The following CLCNKB variants were observed in gnomAD, a reference collection of about 807,000 sequenced individuals.
CLCNKB encodes chloride channel protein ClC-Kb.
CLCNKB carries 74 observed loss-of-function variants against 83.8 expected under a neutral mutation model. That is an observed-to-expected ratio of 0.88 (90% CI 0.73 to 1.07). The LOEUF is 1.07. CLCNKB is among the 50% of genes least tolerant of loss of function. CLCNKB has a pLI of 0.00. For synonymous variants in CLCNKB, 358 were observed against 356.6 expected, an observed-to-expected ratio of 1.00 and a Z score of -0.04; for missense variants, 798 against 893.6, an observed-to-expected ratio of 0.89 and a Z score of 1.36.
chr1:16,053,470 C>T (rs535683040), intron 15 of CLCNKB, among the ~76,000 whole-genome samples, 169 bp from the exon 16 acceptor site: 399 of 152,262 alleles, frequency 2.6e-3, no homozygotes, highest in Non-Finnish European at 4.2e-3. Flanking sequence ...CCCCAGGTTT[C>T]CTCTCACCGT....
Position 16,043,984 on chromosome 1 carries a change from T to A in CLCNKB, c.-8+104T>A, listed in dbSNP as rs945393. 175 of 146,540 alleles carry A rather than the reference T, an allele frequency of 1.2e-3. 3 individuals are homozygous for A. Among genetic ancestry groups the A allele is most frequent in the Middle Eastern group, 3.4e-3 (1 of 292 alleles). 9.1% of individuals were successfully genotyped at this position (146,540 alleles called of 1,614,324 possible). Reference sequence around the variant, plus strand: ...AGCCAGCACCTCACTTTGGCCCTGGTGGGATCTTCTTCTGGGCCTGGGGTT... The same window carrying A: ...AGCCAGCACCTCACTTTGGCCCTGGAGGGATCTTCTTCTGGGCCTGGGGTT... On this transcript the variant is annotated intron_variant, in intron 1 of 19. Transcript: ENST00000375679.
chr1:16,048,677 G>A (rs1473934437), intron 7 of CLCNKB, 95 bp downstream of exon 7: 93 of 1,574,620 alleles, frequency 5.9e-5, no homozygotes, highest in Admixed American at 2.9e-4. Context: ...GGAGGAGGGG[G>A]TGGGGCTCAT....
chr1:16,055,741 G>C lies in CLCNKB; in HGVS notation c.1912G>C (p.Glu638Gln). The C allele has an allele frequency of 6.2e-7, 1 of 1,613,892 alleles. No individual in the cohort carries two copies. The highest frequency in any genetic ancestry group is 8.5e-7 in the Non-Finnish European group (1 of 1,180,000). Residue 638 changes from glutamate (E) to glutamine (Q), a missense_variant, in exon 18 of 20, where the codon GAG becomes CAG. Physicochemically the swap from Glu to Gln is conservative, Grantham distance 29. Coordinates refer to ENST00000375679, the MANE Select transcript of CLCNKB (RefSeq NM_000085.5). ...TEPVTLKLSP[E>Q]TSLHEAHNLF... The stretch of plus-strand genomic sequence containing the variant: ...ACCAGTGACCCTGAAGCTGTCCCCA[G>C]AGACTTCCCTGCATGAGGTAACGGG...
At chr1:16,044,356 T>TACACACACACACAC (rs1553127093) in intron 1 of CLCNKB, 130 bp from the exon 2 acceptor site, 79,050 of 367,536 alleles carry the variant, frequency 0.22, 1,964 homozygotes, top group East Asian at 0.32. Flanking sequence ...TAACTTCACA[T>TACACACACACACAC]ACACACACAC....
At position 16,045,698 on chromosome 1, in the gene CLCNKB, A is replaced by G. The variant is rs201954126; in HGVS notation, c.229+12A>G. The G allele has an allele frequency of 1.4e-5, 21 of 1,536,578 alleles. No homozygotes were observed. In the East Asian group the frequency reaches 3.2e-4, roughly 24 times the overall value. ...GAGTGTGGTCCGAGGTAACCCCTCC[A>G]TGGCAGGTGCTGCTCTGGGCCAAGG... On this transcript the variant is annotated intron_variant, in intron 3 of 19. Coordinates refer to ENST00000375679, the MANE Select transcript of CLCNKB (RefSeq NM_000085.5).
Position 16,056,878 on chromosome 1 carries a change from G to A in CLCNKB, c.2026G>A (p.Ala676Thr), listed in dbSNP as rs542233651. The stretch of plus-strand genomic sequence containing the variant: ...CCTTTCTCTGTTCTAGATGAAGAAA[G>A]CAATTTCCAACCTGACAAATCCGCC... ...GCVSWVEMKK[A>T]ISNLTNPPAP... The change falls in exon 20 of 20, where the codon GCA (alanine) becomes ACA (threonine). Residue 676 changes from alanine to threonine, a missense_variant. By Grantham distance (58) the Ala-to-Thr change is moderately conservative. Coordinates refer to ENST00000375679, the MANE Select transcript of CLCNKB (RefSeq NM_000085.5). 6 of 1,574,410 alleles carry A rather than the reference G, an allele frequency of 3.8e-6. No individual in the cohort carries two copies. In the African/African-American group the frequency reaches 8.9e-5, roughly 23 times the overall value.
chr1:16,044,383 A>ACACACACAC, intron 1 of CLCNKB, 103 bp from the exon 2 acceptor site: 41 of 851,772 alleles, frequency 4.8e-5, no homozygotes, highest in Non-Finnish European at 7.0e-5. Flanking sequence ...ACACACGCAC[A>ACACACACAC]ATCTTTCCTC....
In CLCNKB at chr1:16,044,428, G is replaced by A. The variant is rs1339384723; in HGVS notation, c.-7-58G>A. On this transcript the variant is annotated intron_variant, in intron 1 of 19. Coordinates refer to ENST00000375679, the MANE Select transcript of CLCNKB (RefSeq NM_000085.5). Reference sequence around the variant, plus strand: ...GGGGAGAGCACTGGAAGGGCCTAGAGGCAGTGCGAGGACGTGCAGCAGCTC... The same window carrying A: ...GGGGAGAGCACTGGAAGGGCCTAGAAGCAGTGCGAGGACGTGCAGCAGCTC... 2.8e-6 allele frequency: 4 copies of A among 1,404,524 alleles called. No homozygotes were observed. In the African/African-American group the frequency reaches 5.7e-5, roughly 20 times the overall value. The allele number at this position is 1,404,524 out of a possible 1,614,324, so 87.0% of individuals were successfully genotyped here. A position where few individuals can be genotyped will look rare whatever the true frequency, so the allele number is the denominator to read the frequency against.
chr1:16,055,598 A>G, intron 17 of CLCNKB, 75 bp downstream of exon 17: 1 of 1,590,462 alleles, frequency 6.3e-7, no homozygotes, highest in Non-Finnish European at 8.6e-7. Context: ...GCCCGCTGAT[A>G]TCCTGAGGGA....
chr1:16,048,011 G>A lies in CLCNKB; in HGVS notation c.465G>A (p.Leu155=), dbSNP rs1447213434. 6.2e-7 allele frequency: 1 copy of A among 1,614,054 alleles called. No individual in the cohort carries two copies. The highest frequency in any genetic ancestry group is 8.5e-7 in the Non-Finnish European group (1 of 1,180,002). Reference sequence around the variant, plus strand: ...AAGTGGTGGGCCTCTCCTGCACCCTGGCCTGTGGCAGCACCCTCTTCCTCG... The same window carrying A: ...AAGTGGTGGGCCTCTCCTGCACCCTAGCCTGTGGCAGCACCCTCTTCCTCG... ...GAKVVGLSCT[L]ACGSTLFLGK... The change falls in exon 5 of 20, where the codon CTG becomes CTA. Residue 155 remains leucine (L), a synonymous_variant. Transcript: ENST00000375679.
chr1:16,053,622 A>T lies in CLCNKB; in HGVS notation c.1623-17A>T. 6.2e-7 allele frequency: 1 copy of T among 1,613,708 alleles called. No individual in the cohort carries two copies. Among genetic ancestry groups the T allele is most frequent in the Non-Finnish European group, 8.5e-7 (1 of 1,180,002 alleles). Reference sequence around the variant, plus strand: ...ATCCCTGACTGTGGGGCCTGATGGGAGCCCCTCTGCCTGCAGTTCCCACCG... The same window carrying T: ...ATCCCTGACTGTGGGGCCTGATGGGTGCCCCTCTGCCTGCAGTTCCCACCG... On this transcript the variant is annotated splice_polypyrimidine_tract_variant and intron_variant, in intron 15 of 19. Coordinates refer to ENST00000375679, the MANE Select transcript of CLCNKB (RefSeq NM_000085.5).
At chr1:16,049,322 C>T in intron 8 of CLCNKB, 77 bp downstream of exon 8, 1 of 1,590,776 alleles carries the variant, frequency 6.3e-7, no homozygotes, top group Non-Finnish European at 8.5e-7. Context: ...CCCCTGTGTA[C>T]ACCCCTTGCT....
rs371785153 is a variant in CLCNKB, at chr1:16,048,966, G to A, written c.656-154G>A. 1.5e-4 allele frequency: 237 copies of A among 1,534,684 alleles called. 1 individual carries two copies. The highest frequency in any genetic ancestry group is 2.2e-4 in the African/African-American group (16 of 72,834). ...TGGGCAGCGGGCTCCTCCCCGCCCA[G>A]GGCGCATGCCCTGCCCTCCCCTCCT... On this transcript the variant is annotated intron_variant, in intron 7 of 19. Transcript: ENST00000375679.
intron 19 of CLCNKB, 32 bp downstream of exon 19, chr1:16,056,540 G>A: frequency 2.8e-6 from 4 of 1,404,532 alleles, no homozygotes; most frequent in Non-Finnish European, 3.9e-6. Flanking sequence ...AGCAAAGCAG[G>A]GAACCTATGC....
At chr1:16,050,846 A>G (rs565896323) in intron 11 of CLCNKB, 29 bp from the exon 12 acceptor site, 4 of 1,610,770 alleles carry the variant, frequency 2.5e-6, no homozygotes, top group African/African-American at 1.3e-5. Flanking sequence ...GGGGCCCCTC[A>G]TGTCCAGTTC....
Position 16,051,727 on chromosome 1 carries a change from C to T in CLCNKB, c.1315C>T (p.Leu439Phe). Reference sequence around the variant, plus strand: ...GTGGCCAGGAGCTGCTATCGGGCGCCTCTTTGGGGAGACTCTCTCTTTTAT... The same window carrying T: ...GTGGCCAGGAGCTGCTATCGGGCGCTTCTTTGGGGAGACTCTCTCTTTTAT... The part of the protein sequence containing the change: ...IFVYGAAIGR[L>F]FGETLSFIFP... Residue 439 changes from leucine to phenylalanine, a missense_variant, in exon 14 of 20, where the codon CTC becomes TTC. By Grantham distance (22) the Leu-to-Phe change is conservative. Transcript: ENST00000375679. 1 of 1,613,976 alleles carries T rather than the reference C, an allele frequency of 6.2e-7. No homozygotes were observed. The highest frequency in any genetic ancestry group is 8.5e-7 in the Non-Finnish European group (1 of 1,179,952).
In CLCNKB at chr1:16,050,972, C is replaced by T. The variant is rs949665265; in HGVS notation, c.1151C>T (p.Pro384Leu). ...CCACCCTGGCCCGAGGAGCTCGACC[C>T]CCAGCACCTGTGGTGGGAATGGTAC... ...SSPPWPEELDPQHLWWEWYHP... is the reference protein window; with the variant it reads ...SSPPWPEELDLQHLWWEWYHP... Residue 384 changes from proline to leucine, a missense_variant, in exon 12 of 20, where the codon CCC becomes CTC. Pro to Leu is a moderately conservative substitution (Grantham distance 98, BLOSUM62 -3). Coordinates refer to ENST00000375679, the MANE Select transcript of CLCNKB (RefSeq NM_000085.5). 3.1e-6 allele frequency: 5 copies of T among 1,614,000 alleles called. No individual in the cohort carries two copies. The South Asian group carries it at 3.3e-5, about 11-fold the overall frequency.
At chr1:16,045,501 T>G in intron 2 of CLCNKB, 57 bp from the exon 3 acceptor site, 13 of 1,603,744 alleles carry the variant, frequency 8.1e-6, no homozygotes, top group Non-Finnish European at 1.1e-5. Context: ...CCTCCAAGGA[T>G]GGGACTGTCT....
rs771497775 is a variant in CLCNKB, at chr1:16,052,302, G to T, written c.1513G>T (p.Val505Leu). ...GCATGCACTGCCCGTGCTGATGGCG[G>T]TGCTGGCAGCCAACGCCATTGCACA... ...IVHALPVLMA[V>L]LAANAIAQSC... Residue 505 changes from valine to leucine, a missense_variant, in exon 15 of 20, where the codon GTG (valine) becomes TTG (leucine). By Grantham distance (32) the Val-to-Leu change is conservative (BLOSUM62 1). Transcript: ENST00000375679. 2 of 1,613,176 alleles carry T rather than the reference G, an allele frequency of 1.2e-6. No individual in the cohort carries two copies. Among genetic ancestry groups the T allele is most frequent in the Non-Finnish European group, 1.7e-6 (2 of 1,180,042 alleles).
Sources: gnomAD v4.1 joint callset for allele counts (sites outside exome capture counted in the v4.1 genomes callset) on GRCh38, gnomAD v4.1.1 for gene constraint, MANE v1.5 for transcripts, NCBI Gene and HGNC (gene_info 2026-07-23, HGNC 2026-07-21) for gene names.